The following VPS53 variants were observed in gnomAD, a reference collection of about 807,000 sequenced individuals.
VPS53 encodes the protein vacuolar protein sorting-associated protein 53 homolog.
A neutral mutation model predicts 107.0 loss-of-function variants in VPS53; 70 were observed. That is an observed-to-expected ratio of 0.65 (90% CI 0.54 to 0.80). The LOEUF (loss-of-function observed/expected upper bound fraction) is 0.80. Among genes scored for constraint, VPS53 ranks in the 30% least tolerant of loss-of-function variants. The pLI is 0.00. For synonymous variants in VPS53, 409 were observed against 393.3 expected, an observed-to-expected ratio of 1.04 and a Z score of -0.47; for missense variants, 917 against 1,049.4, an observed-to-expected ratio of 0.87 and a Z score of 1.74.
intron 11 of VPS53, among the ~76,000 whole-genome samples, chr17:608,122 G>T (rs1968669558): frequency 6.6e-6 from 1 of 152,150 alleles, no homozygotes; most frequent in Non-Finnish European, 1.5e-5. Flanking sequence ...ATGGCTGCGG[G>T]GCTTTAGCTG....
chr17:583,652 C>T (rs149439943), intron 13 of VPS53, among the ~76,000 whole-genome samples: 5 of 151,992 alleles, frequency 3.3e-5, no homozygotes, highest in African/African-American at 4.8e-5. Context: ...AATGTGTTCC[C>T]GGAGAACCTC....
chr17:542,040 T>G (rs1910733464), intron 17 of VPS53, among the ~76,000 whole-genome samples: 1 of 151,280 alleles, frequency 6.6e-6, no homozygotes. Flanking sequence ...CACCAGGGGC[T>G]GAAGGAATGT....
intron 13 of VPS53, among the ~76,000 whole-genome samples, chr17:575,505 C>A (rs1234708085): frequency 6.6e-6 from 1 of 150,552 alleles, no homozygotes; most frequent in Non-Finnish European, 1.5e-5. Context: ...AACCTCAATG[C>A]GTTCCCAGAG....
intron 4 of VPS53, among the ~76,000 whole-genome samples, chr17:691,462 T>C (rs1034748158): frequency 6.6e-6 from 1 of 152,198 alleles, no homozygotes; most frequent in African/African-American, 2.4e-5. Flanking sequence ...GGGTGGAAGA[T>C]TGTACTACAA....
chr17:711,870 G>A (rs879299819), intron 1 of VPS53, among the ~76,000 whole-genome samples: 3 of 149,192 alleles, frequency 2.0e-5, no homozygotes, highest in African/African-American at 5.0e-5. Context: ...AGGCTGGAGT[G>A]CAGTAGCGCG....
chr17:647,419 A>G (rs1970754472), intron 7 of VPS53, among the ~76,000 whole-genome samples: 1 of 152,242 alleles, frequency 6.6e-6, no homozygotes. Flanking sequence ...CCTAGGATGT[A>G]GAAAATGCAG....
chr17:573,524 C>G (rs1025793379), intron 13 of VPS53, among the ~76,000 whole-genome samples: 1 of 152,164 alleles, frequency 6.6e-6, no homozygotes, highest in Admixed American at 6.5e-5. Context: ...CAAGAGAAAT[C>G]TGGCCACACT....
chr17:705,074 CAAT>C (rs1973350013), intron 2 of VPS53, among the ~76,000 whole-genome samples: 1 of 152,142 alleles, frequency 6.6e-6, no homozygotes, highest in Non-Finnish European at 1.5e-5. Context: ...AAAATATTCA[CAAT>C]GATGGGGATC....
intron 13 of VPS53, among the ~76,000 whole-genome samples, chr17:584,688 T>A (rs1967221849): frequency 1.3e-5 from 2 of 152,060 alleles, no homozygotes; most frequent in African/African-American, 4.8e-5. Flanking sequence ...ACCTGACTAG[T>A]TTTTTTAAAA....
chr17:696,495 G>T (rs966753748), intron 4 of VPS53, among the ~76,000 whole-genome samples: 11 of 152,320 alleles, frequency 7.2e-5, no homozygotes, highest in African/African-American at 1.7e-4. Flanking sequence ...GTCCTGACCT[G>T]AGTTAGTGCT....
At chr17:669,811 G>A (rs996459636) in intron 4 of VPS53, among the ~76,000 whole-genome samples, 11 of 151,326 alleles carry the variant, frequency 7.3e-5, no homozygotes, top group African/African-American at 2.7e-4. Context: ...AGAATCACTT[G>A]AACCAGGGAG....
chr17:702,647 CAGA>C (rs1379599972), intron 2 of VPS53, among the ~76,000 whole-genome samples: 2 of 152,066 alleles, frequency 1.3e-5, no homozygotes, highest in East Asian at 3.9e-4. Flanking sequence ...GCCTGGATAA[CAGA>C]AGGAGACTCT....
At position 550,185 on chromosome 17, in the gene VPS53, C is replaced by T. The variant is rs146072207; in HGVS notation, c.1866+1687G>A. 4.6e-5 allele frequency among the ~76,000 whole-genome samples: 7 copies of T among 152,270 alleles called. No homozygotes were observed. In the East Asian group the frequency reaches 9.6e-4, roughly 21 times the overall value. On this transcript the variant is annotated intron_variant, in intron 17 of 21. Transcript: ENST00000437048. ...GGGTATGTGGGCCCAGATGATGTCACGTTGGCCCAGACAGGTGAATCATTT... is the reference window on the plus strand; with the variant it reads ...GGGTATGTGGGCCCAGATGATGTCATGTTGGCCCAGACAGGTGAATCATTT...
chr17:576,072 C>A (rs1047062551), intron 13 of VPS53, among the ~76,000 whole-genome samples: 13 of 151,250 alleles, frequency 8.6e-5, no homozygotes, highest in African/African-American at 3.2e-4. Flanking sequence ...TCACTCAGGA[C>A]CAAATGAGTT....
chr17:698,037 T>C (rs1317271453), intron 3 of VPS53, among the ~76,000 whole-genome samples: 1 of 152,156 alleles, frequency 6.6e-6, no homozygotes, highest in African/African-American at 2.4e-5. Context: ...TGGTTAGCTG[T>C]TATGTGACCA....
chr17:662,420 TGGCTC>T (rs1971470178), intron 4 of VPS53, among the ~76,000 whole-genome samples: 1 of 152,204 alleles, frequency 6.6e-6, no homozygotes, highest in South Asian at 2.1e-4. Context: ...CCGGACACAG[TGGCTC>T]ACGCCTGTAA....
chr17:683,859 T>C (rs905301056), intron 4 of VPS53, among the ~76,000 whole-genome samples: 3 of 152,168 alleles, frequency 2.0e-5, no homozygotes, highest in Admixed American at 6.5e-5. Flanking sequence ...ATGTAGAAAC[T>C]TGAAAACTGA....
chr17:622,035 A>G (rs1015083058), intron 11 of VPS53, among the ~76,000 whole-genome samples: 1 of 152,044 alleles, frequency 6.6e-6, no homozygotes. Flanking sequence ...AACATGGTGA[A>G]ACCCCGTCTC....
intron 13 of VPS53, among the ~76,000 whole-genome samples, chr17:567,627 A>G (rs900055527): frequency 2.0e-5 from 3 of 152,032 alleles, no homozygotes; most frequent in African/African-American, 7.2e-5. Context: ...CAGCCTCCCA[A>G]GTAGCTGGGA....
Sources: allele counts gnomAD v4.1 joint callset (sites outside exome capture counted in the v4.1 genomes callset), GRCh38; gene constraint gnomAD v4.1.1; transcripts MANE v1.5; gene names NCBI Gene and HGNC (gene_info 2026-07-23, HGNC 2026-07-21).